Variants in MAPT observed in about 807,000 individuals in gnomAD.
The protein encoded by MAPT is microtubule associated protein tau.
A neutral mutation model predicts 67.9 loss-of-function variants in MAPT; 34 were observed. That is an observed-to-expected ratio of 0.50 (90% confidence interval 0.38 to 0.67). The LOEUF (loss-of-function observed/expected upper bound fraction) is 0.67, where lower values mean the gene tolerates loss of function less well. Among genes scored for constraint, MAPT ranks in the 30% least tolerant of loss-of-function variants. MAPT has a pLI of 0.00. For synonymous variants in MAPT, 456 were observed against 464.5 expected (o/e 0.98, Z 0.23); for missense variants, 881 against 1,115.2 (o/e 0.79, Z 2.99).
intron 1 of MAPT, among the ~76,000 whole-genome samples, chr17:45,952,656 C>A (rs1012624069): frequency 6.6e-6 from 1 of 152,038 alleles, no homozygotes; most frequent in Non-Finnish European, 1.5e-5. Flanking sequence ...CATGGTGGTG[C>A]ATACCTGTGG....
intron 1 of MAPT, among the ~76,000 whole-genome samples, chr17:45,942,434 G>A (rs1017650818): frequency 5.9e-5 from 9 of 152,192 alleles, no homozygotes; most frequent in South Asian, 4.1e-4. Flanking sequence ...CTGCCTGGCC[G>A]GAGGCTGCAT....
chr17:46,015,925 CGTT>C (rs1034879816), intron 11 of MAPT, among the ~76,000 whole-genome samples: 1 of 152,082 alleles, frequency 6.6e-6, no homozygotes, highest in African/African-American at 2.4e-5. Context: ...ACCCCTAACC[CGTT>C]GTTCTCCCTG....
At chr17:46,006,895 C>A (rs2075468999) in intron 9 of MAPT, among the ~76,000 whole-genome samples, 1 of 150,102 alleles carries the variant, frequency 6.7e-6, no homozygotes, top group African/African-American at 2.5e-5. Flanking sequence ...TGCACTCCAG[C>A]CTGGGCGACA....
intron 1 of MAPT, among the ~76,000 whole-genome samples, chr17:45,902,024 T>C (rs1003052668): frequency 5.3e-5 from 8 of 152,138 alleles, no homozygotes; most frequent in African/African-American, 1.9e-4. Flanking sequence ...AATCATTGAA[T>C]GATTTGAAGA....
At chr17:45,986,357 A>G (rs9901937) in intron 5 of MAPT, among the ~76,000 whole-genome samples, 6,798 of 152,212 alleles carry the variant, frequency 0.045, 550 homozygotes, top group African/African-American at 0.15. Flanking sequence ...AGCCTCTCCT[A>G]TTCTGGAGGC....
chr17:45,964,635 G>A (rs770821595), intron 2 of MAPT, among the ~76,000 whole-genome samples: 1 of 151,852 alleles, frequency 6.6e-6, no homozygotes, highest in Non-Finnish European at 1.5e-5. Flanking sequence ...CGTGAGCCAA[G>A]ATCCCACCAC....
At position 46,026,681 on chromosome 17, in the gene MAPT, G is replaced by A. The variant is rs1188860014; in HGVS notation, c.*2510G>A. On this transcript the variant is annotated 3_prime_UTR_variant, in exon 13 of 13. Transcript: ENST00000262410. ...AATTGCCTGTCCTGGATCTGCTCTA[G>A]AGGCCCAAGCTGCCTGCCTGAGGAA... 1 of 152,430 alleles carries A rather than the reference G, an allele frequency of 6.6e-6. No homozygotes were observed. The highest frequency in any genetic ancestry group is 1.5e-5 in the Non-Finnish European group (1 of 68,244). 9.4% of individuals were successfully genotyped at this position (152,430 alleles called of 1,614,324 possible).
rs200285196 is a variant in MAPT at position 46,003,836 on chromosome 17, A to G, written c.1999-6474A>G. 3.5e-4 allele frequency among the ~76,000 whole-genome samples: 53 copies of G among 149,864 alleles called. 1 individual carries two copies. In the East Asian group the frequency reaches 8.9e-3, roughly 25 times the overall value. ...CTCCAGGCATCTTTTCCTGTACCTC[A>G]GTGCTTCTGAAAAATCTGTGTGAAT... On this transcript the variant is annotated intron_variant, in intron 9 of 12. Coordinates refer to ENST00000262410, the MANE Select transcript of MAPT (RefSeq NM_001377265.1).
At position 45,995,829 on chromosome 17, in the gene MAPT, G is replaced by A. The variant is rs1009437118; in HGVS notation, c.1733-570G>A. On this transcript the variant is annotated intron_variant, in intron 8 of 12. Coordinates refer to ENST00000262410, the MANE Select transcript of MAPT (RefSeq NM_001377265.1). This position sits in a 1 kb window ranked among gnomAD's most constrained non-coding sequence, Gnocchi z 4.3. Reference sequence around the variant, plus strand: ...TGCTGGCAGGAGCCCTGAACTAGCCGAACAGCTGAACAGCTGAACATTCAC... The same window carrying A: ...TGCTGGCAGGAGCCCTGAACTAGCCAAACAGCTGAACAGCTGAACATTCAC... Among the ~76,000 whole-genome samples the A allele has an allele frequency of 1.2e-4, 18 of 152,144 alleles. No homozygotes were observed. The highest frequency in any genetic ancestry group is 6.5e-4 in the Admixed American group (10 of 15,282).
chr17:45,984,387 A>C (rs1012206465), intron 5 of MAPT, among the ~76,000 whole-genome samples: 11 of 152,250 alleles, frequency 7.2e-5, no homozygotes, highest in Admixed American at 5.2e-4. Context: ...GCCGAAGGCC[A>C]ATGAGTAGTA....
chr17:45,952,494 A>G (rs970975629), intron 1 of MAPT, among the ~76,000 whole-genome samples: 2 of 152,234 alleles, frequency 1.3e-5, no homozygotes, highest in African/African-American at 4.8e-5. Flanking sequence ...CATAAAAAAT[A>G]AAAATTTAGA....
At position 45,983,226 on chromosome 17, in the gene MAPT, GC is replaced by G; in HGVS notation, c.653del (p.Pro218GlnfsTer3). 1.2e-6 allele frequency: 2 copies of G among 1,606,262 alleles called. No homozygotes were observed. Among genetic ancestry groups the G allele is most frequent in the Non-Finnish European group, 1.7e-6 (2 of 1,176,736 alleles). ...CAGGAAGGCTTCCTCCGAGAGCCAG[GC>G]CCCCCAGGTCTGAGCCACCAGCTCA... ...VVQEGFLREP[G>X]PPGLSHQLMS... On this transcript the variant is annotated frameshift_variant, in exon 5 of 13. Coordinates refer to ENST00000262410, the MANE Select transcript of MAPT (RefSeq NM_001377265.1). LOFTEE classifies it high-confidence loss of function.
intron 9 of MAPT, among the ~76,000 whole-genome samples, chr17:46,008,736 C>T (rs552263817): frequency 2.6e-5 from 4 of 152,266 alleles, no homozygotes; most frequent in South Asian, 2.1e-4. Flanking sequence ...ACCCCAGATC[C>T]GACAGCCCAG....
intron 1 of MAPT, among the ~76,000 whole-genome samples, chr17:45,921,347 C>G (rs1392678063): frequency 6.6e-6 from 1 of 152,160 alleles, no homozygotes; most frequent in Non-Finnish European, 1.5e-5. Flanking sequence ...CAAGTGGGTC[C>G]TAGAAGACAA....
Position 45,996,053 on chromosome 17 carries a change from G to A in MAPT, c.1733-346G>A, listed in dbSNP as rs939061898. On this transcript the variant is annotated intron_variant, in intron 8 of 12. Coordinates refer to ENST00000262410, the MANE Select transcript of MAPT (RefSeq NM_001377265.1). This position sits in a 1 kb window ranked among gnomAD's most constrained non-coding sequence, Gnocchi z 4.5. ...AAATTAAGGCCTCTGAGCTCAGAGA[G>A]GGGAAGTTACTTGTCTGAGGCCACA... 1.3e-5 allele frequency among the ~76,000 whole-genome samples: 2 copies of A among 152,204 alleles called. No individual in the cohort carries two copies. Among genetic ancestry groups the A allele is most frequent in the African/African-American group, 2.4e-5 (1 of 41,448 alleles).
rs1298493246 is a variant in MAPT at position 45,933,268 on chromosome 17, G to GTC, written c.-17-29043_-17-29042dup. 8.2e-5 allele frequency among the ~76,000 whole-genome samples: 11 copies of GTC among 133,910 alleles called. 1 individual carries two copies. The South Asian group carries it at 1.1e-3, about 14-fold the overall frequency. 87.9% of individuals were successfully genotyped at this position (133,910 alleles called of 152,430 possible). On this transcript the variant is annotated intron_variant, in intron 1 of 12. Coordinates refer to ENST00000262410, the MANE Select transcript of MAPT (RefSeq NM_001377265.1). ...CCCTTTTTTTTTTTTTTGAGACAGA[G>GTC]TCTCTCTCTCTGTCACCCAGGCTGG...
Position 46,024,177 on chromosome 17 carries a change from C to G in MAPT, c.*6C>G. On this transcript the variant is annotated 3_prime_UTR_variant, in exon 13 of 13. Transcript: ENST00000262410. Reference sequence around the variant, plus strand: ...TGGCCAAGCAGGGTTTGTGATCAGGCCCCTGGGGCGGTCAATAATTGTGGA... The same window carrying G: ...TGGCCAAGCAGGGTTTGTGATCAGGGCCCTGGGGCGGTCAATAATTGTGGA... 6.2e-7 allele frequency: 1 copy of G among 1,612,938 alleles called. No individual in the cohort carries two copies. Among genetic ancestry groups the G allele is most frequent in the South Asian group, 1.1e-5 (1 of 91,070 alleles).
At chr17:46,004,003 C>G (rs939965378) in intron 9 of MAPT, among the ~76,000 whole-genome samples, 1 of 152,198 alleles carries the variant, frequency 6.6e-6, no homozygotes, top group Non-Finnish European at 1.5e-5. Flanking sequence ...TGTGTCAGTT[C>G]CTAAGCTGAT....
intron 11 of MAPT, among the ~76,000 whole-genome samples, chr17:46,015,002 C>G (rs2076077482): frequency 6.6e-6 from 1 of 151,128 alleles, no homozygotes; most frequent in Admixed American, 6.6e-5. Context: ...TCAATGGGTA[C>G]AAAAAAAATA....
Sources: allele counts gnomAD v4.1 joint callset (sites outside exome capture counted in the v4.1 genomes callset), GRCh38; gene constraint gnomAD v4.1.1; non-coding constraint Gnocchi (gnomAD v3.1); transcripts MANE v1.5; gene names NCBI Gene and HGNC (gene_info 2026-07-23, HGNC 2026-07-21).